Variants in LIMS2 observed in about 807,000 individuals in gnomAD.
The protein encoded by LIMS2 is LIM zinc finger domain containing 2.
Under a neutral mutation model 45.3 loss-of-function variants are expected in LIMS2, and 30 were observed. The observed-to-expected ratio is 0.66, with a 90% CI of 0.50 to 0.90. The LOEUF (loss-of-function observed/expected upper bound fraction) is 0.90. Among genes scored for constraint, LIMS2 ranks in the 40% least tolerant of loss-of-function variants. LIMS2 has a pLI of 0.00. For synonymous variants in LIMS2, 173 were observed against 188.0 expected (o/e 0.92, Z 0.65); for missense variants, 485 against 468.7 (o/e 1.03, Z -0.32).
intron 2 of LIMS2, chr2:127,655,328 C>T: frequency 4.6e-6 from 1 of 216,652 alleles, no homozygotes; most frequent in South Asian, 7.0e-5. Flanking sequence ...GTATAGGAGA[C>T]AGAAGGAAGG....
At chr2:127,640,428 G>A (rs1682292282) in intron 7 of LIMS2, 110 bp from the exon 8 acceptor site, 1 of 1,204,846 alleles carries the variant, frequency 8.3e-7, no homozygotes, top group Admixed American at 1.9e-5. Context: ...GCATCTCCCA[G>A]GCCCTGCCTC....
intron 1 of LIMS2, among the ~76,000 whole-genome samples, chr2:127,663,646 C>A (rs1171519806): frequency 7.7e-6 from 1 of 130,010 alleles, no homozygotes; most frequent in Non-Finnish European, 1.7e-5. Context: ...CCCAGCCCTT[C>A]TGCCCAGCCT....
chr2:127,667,141 A>G lies in LIMS2; in HGVS notation c.11+7873T>C, dbSNP rs1448094548. Among the ~76,000 whole-genome samples the G allele has an allele frequency of 1.3e-5, 2 of 152,216 alleles. No homozygotes were observed. Among genetic ancestry groups the G allele is most frequent in the Non-Finnish European group, 2.9e-5 (2 of 68,042 alleles). ...ACACCAAACCTACAAACAAACATAC[A>G]AAACACCAGTGTGGTGGCACATGCC... On this transcript the variant is annotated intron_variant, in intron 1 of 9. Coordinates refer to ENST00000355119, the MANE Select transcript of LIMS2 (RefSeq NM_001161403.3). This position sits in a 1 kb window ranked among gnomAD's most constrained non-coding sequence, Gnocchi z 4.1.
chr2:127,658,516 G>A (rs1293371012), intron 1 of LIMS2, among the ~76,000 whole-genome samples: 1 of 152,234 alleles, frequency 6.6e-6, no homozygotes, highest in African/African-American at 2.4e-5. Flanking sequence ...TTCCTTCTGG[G>A]AGGGGTGAAA....
Position 127,672,567 on chromosome 2 carries a change from GT to G in LIMS2, c.11+2446del, listed in dbSNP as rs1322984496. ...CCCTCTGTGGCCCACCTCACAGCCA[GT>G]CAGTTGGGTCCTGTCCACTCCACCT... On this transcript the variant is annotated intron_variant, in intron 1 of 9. Transcript: ENST00000355119. This position sits in a 1 kb window ranked among gnomAD's most constrained non-coding sequence, Gnocchi z 4.9. 6.6e-6 allele frequency among the ~76,000 whole-genome samples: 1 copy of G among 152,190 alleles called. No homozygotes were observed. The highest frequency in any genetic ancestry group is 2.4e-5 in the African/African-American group (1 of 41,444).
upstream of LIMS2, among the ~76,000 whole-genome samples, chr2:127,677,290 C>T (rs1685524393): frequency 6.6e-6 from 1 of 152,286 alleles, no homozygotes; most frequent in African/African-American, 2.4e-5. The surrounding 1 kb of genome is among the most constrained non-coding windows in gnomAD (Gnocchi z 5.0). Flanking sequence ...GGACCAGGCT[C>T]TCATGGAGTT....
intron 1 of LIMS2, among the ~76,000 whole-genome samples, chr2:127,665,899 C>T (rs1156900598): frequency 1.3e-5 from 2 of 152,146 alleles, no homozygotes; most frequent in Non-Finnish European, 2.9e-5. Flanking sequence ...GTGTTTTGTG[C>T]AACATAATCT....
At chr2:127,670,204 C>T (rs537269900) in intron 1 of LIMS2, among the ~76,000 whole-genome samples, 10 of 152,222 alleles carry the variant, frequency 6.6e-5, no homozygotes, top group African/African-American at 1.9e-4. Flanking sequence ...GTATTATTCA[C>T]GGTAGCCAAA....
intron 4 of LIMS2, chr2:127,643,367 T>C: frequency 1.9e-6 from 1 of 518,432 alleles, no homozygotes. Context: ...TGCTGCAGAA[T>C]ACAGTAGACA....
At chr2:127,661,295 A>T (rs1025242327) in intron 1 of LIMS2, among the ~76,000 whole-genome samples, 1 of 152,242 alleles carries the variant, frequency 6.6e-6, no homozygotes, top group Non-Finnish European at 1.5e-5. Flanking sequence ...AGCCACATCG[A>T]GGAGCCAAAG....
intron 1 of LIMS2, among the ~76,000 whole-genome samples, chr2:127,666,176 T>A (rs919650369): frequency 2.6e-5 from 4 of 152,188 alleles, no homozygotes; most frequent in African/African-American, 9.7e-5. Flanking sequence ...TTCAGTGCTC[T>A]GGCTCTAGAT....
intron 1 of LIMS2, among the ~76,000 whole-genome samples, chr2:127,660,331 C>T (rs1299725929): frequency 6.6e-6 from 1 of 152,154 alleles, no homozygotes; most frequent in Non-Finnish European, 1.5e-5. Flanking sequence ...GGTTCCTTTG[C>T]TTGGTGTGGA....
rs1573838074 is a variant in LIMS2, at chr2:127,664,535, C to T, written c.12-6973G>A. The T allele has an allele frequency of 2.6e-6, 3 of 1,152,002 alleles. No individual in the cohort carries two copies. The highest frequency in any genetic ancestry group is 3.2e-6 in the Non-Finnish European group (3 of 937,270). 71.4% of individuals were successfully genotyped at this position (1,152,002 alleles called of 1,614,324 possible). A position where few individuals can be genotyped will look rare whatever the true frequency, so the allele number is the denominator to read the frequency against. On this transcript the variant is annotated intron_variant, in intron 1 of 9. Coordinates refer to ENST00000355119, the MANE Select transcript of LIMS2 (RefSeq NM_001161403.3). This position sits in a 1 kb window ranked among gnomAD's most constrained non-coding sequence, Gnocchi z 5.5. ...GCGCCTCCCCCGCGCTGGTCGCGAGCTCACGTTACGCGCTGGGATCTCCAA... is the reference window on the plus strand; with the variant it reads ...GCGCCTCCCCCGCGCTGGTCGCGAGTTCACGTTACGCGCTGGGATCTCCAA...
At position 127,672,453 on chromosome 2, in the gene LIMS2, G is replaced by A. The variant is rs1210188613; in HGVS notation, c.11+2561C>T. 6.6e-6 allele frequency among the ~76,000 whole-genome samples: 1 copy of A among 151,870 alleles called. No individual in the cohort carries two copies. Among genetic ancestry groups the A allele is most frequent in the Non-Finnish European group, 1.5e-5 (1 of 67,976 alleles). The stretch of plus-strand genomic sequence containing the variant: ...CCTCCCACGGCTCCCCCTCAGACTT[G>A]CCACAGCTCTTCAAGCACTCCACAA... On this transcript the variant is annotated intron_variant, in intron 1 of 9. Transcript: ENST00000355119. The surrounding 1 kb of genome is among the most constrained non-coding windows in gnomAD (Gnocchi z 4.9).
At chr2:127,657,859 T>A (rs765617570) in intron 1 of LIMS2, among the ~76,000 whole-genome samples, 1 of 152,088 alleles carries the variant, frequency 6.6e-6, no homozygotes, top group South Asian at 2.1e-4. Flanking sequence ...GTATTCACAC[T>A]CTCATTTAAT....
upstream of LIMS2, among the ~76,000 whole-genome samples, chr2:127,675,636 C>A (rs1023377390): frequency 6.6e-6 from 1 of 152,166 alleles, no homozygotes; most frequent in Non-Finnish European, 1.5e-5. Context: ...CCCGGCGCCC[C>A]CTCTGCAGTC....
chr2:127,666,388 C>G lies in LIMS2; in HGVS notation c.11+8626G>C, dbSNP rs10177163. Among the ~76,000 whole-genome samples the G allele has an allele frequency of 3.8e-3, 539 of 142,066 alleles. 3 individuals carry two copies. Among genetic ancestry groups the G allele is most frequent in the African/African-American group, 0.014 (507 of 36,296 alleles). The allele number at this position is 142,066 out of a possible 152,430, so 93.2% of individuals were successfully genotyped here. Reference sequence around the variant, plus strand: ...AAACAGATGAATCTTGGTAAACAAACAAACAAACACAAACCAGTGAGGTTT... The same window carrying G: ...AAACAGATGAATCTTGGTAAACAAAGAAACAAACACAAACCAGTGAGGTTT... On this transcript the variant is annotated intron_variant, in intron 1 of 9. Transcript: ENST00000355119.
chr2:127,648,013 C>T, intron 4 of LIMS2: 1 of 985,798 alleles, frequency 1.0e-6, no homozygotes, highest in South Asian at 4.7e-5. Flanking sequence ...CCAAGCCTGT[C>T]TCCCTCTCCC....
chr2:127,642,154 G>A lies in LIMS2; in HGVS notation c.555C>T (p.Tyr185=), dbSNP rs1487842746. Residue 185 remains tyrosine (Y), a synonymous_variant, in exon 6 of 10, where the codon TAC becomes TAT. Transcript: ENST00000355119. The surrounding 1 kb of genome is among the most constrained non-coding windows in gnomAD (Gnocchi z 5.3). ...AEARELKGEL[Y]CLPCHDKMGV... ...CCATCTTGTCATGGCAGGGCAGGCA[G>A]TAGAGCTCACCCTTCAGCTCGCGGG... 2 of 1,593,252 alleles carry A rather than the reference G, an allele frequency of 1.3e-6. No individual in the cohort carries two copies. The highest frequency in any genetic ancestry group is 1.1e-5 in the South Asian group (1 of 88,866).
Sources: gnomAD v4.1 joint callset for allele counts (sites outside exome capture counted in the v4.1 genomes callset) on GRCh38, gnomAD v4.1.1 for gene constraint, Gnocchi (gnomAD v3.1) non-coding constraint, MANE v1.5 for transcripts, NCBI Gene and HGNC (gene_info 2026-07-23, HGNC 2026-07-21) for gene names.